The following NFIB variants were observed in gnomAD, a reference collection of about 807,000 sequenced individuals.
NFIB encodes the protein nuclear factor I B.
NFIB carries 11 observed loss-of-function variants against 61.5 expected under a neutral mutation model. The observed-to-expected ratio is 0.18, with a 90% CI of 0.11 to 0.30. The LOEUF is 0.30. NFIB is among the 10% of genes least tolerant of loss of function. NFIB has a pLI of 1.00. For missense variants in NFIB, 471 were observed against 608.9 expected (o/e 0.77, Z 2.38); for synonymous variants, 260 against 216.5 (o/e 1.20, Z -1.76).
the NFIB span, among the ~76,000 whole-genome samples, chr9:14,425,255 T>G: frequency 1.3e-5 from 2 of 152,124 alleles, no homozygotes; most frequent in African/African-American, 4.8e-5. Flanking sequence ...ATTCTTAGTG[T>G]CACACAGAAC....
rs968866161 is a variant in NFIB, at chr9:14,186,657, A to G, written c.563-6877T>C. On this transcript the variant is annotated intron_variant, in intron 2 of 10. Transcript: ENST00000380953. ...TTCTCTCTTCCCCTCTCTCTGCCCA[A>G]AGTTTTCTACCTCACTCTTTGCAGT... Among the ~76,000 whole-genome samples the G allele has an allele frequency of 5.3e-5, 8 of 151,978 alleles. No individual in the cohort carries two copies. The South Asian group carries it at 1.7e-3, about 32-fold the overall frequency.
chr9:14,318,239 A>G (rs543355987), upstream of NFIB, among the ~76,000 whole-genome samples: 1 of 152,340 alleles, frequency 6.6e-6, no homozygotes, highest in Middle Eastern at 3.4e-3. Context: ...CAGAAAGTTT[A>G]TTGATTTCTA....
the NFIB span, among the ~76,000 whole-genome samples, chr9:14,498,900 T>G: frequency 6.6e-6 from 1 of 151,932 alleles, no homozygotes; most frequent in Non-Finnish European, 1.5e-5. Context: ...TAAGGCTCTG[T>G]GCTGAGCACT....
At chr9:14,236,195 T>G (rs1404535812) in intron 2 of NFIB, among the ~76,000 whole-genome samples, 4 of 152,212 alleles carry the variant, frequency 2.6e-5, no homozygotes, top group Admixed American at 2.0e-4. Context: ...TAAATTGGCA[T>G]CTTTATGAAT....
chr9:14,398,327 C>T (rs951812465), intron 1 of NFIB, among the ~76,000 whole-genome samples: 11 of 152,266 alleles, frequency 7.2e-5, no homozygotes, highest in Admixed American at 5.9e-4. Flanking sequence ...ATTTCTGTTA[C>T]CATTTCCAAA....
chr9:14,237,815 TAAGCTCCTCACCCTGCTAG>T (rs1563932618), intron 2 of NFIB, among the ~76,000 whole-genome samples: 12 of 60,554 alleles, frequency 2.0e-4, no homozygotes, highest in African/African-American at 3.7e-4. Flanking sequence ...TGTGTGTGTG[TAAGCTCCTCACCCTGCTAG>T]GTATAACAGT....
intron 2 of NFIB, among the ~76,000 whole-genome samples, 192 bp from the exon 3 acceptor site, chr9:14,179,972 A>G (rs929463086): frequency 6.6e-6 from 1 of 152,220 alleles, no homozygotes; most frequent in Admixed American, 6.5e-5. Context: ...ACATATTTCT[A>G]TGTCAAAAGA....
chr9:14,466,138 C>T, the NFIB span, among the ~76,000 whole-genome samples: 4 of 152,094 alleles, frequency 2.6e-5, no homozygotes, highest in African/African-American at 7.2e-5. Flanking sequence ...GGAGAGAGCC[C>T]GCATCTCAGC....
chr9:14,216,532 CTCTCTCTCTCCCTCTGTGTGTGTGTGTG>C (rs1299004624), intron 2 of NFIB, among the ~76,000 whole-genome samples: 3,846 of 38,350 alleles, frequency 0.1, 104 homozygotes, highest in South Asian at 0.13. Flanking sequence ...CTCTCTCTCT[CTCTCTCTCTCCCTCTGTGTGTGTGTGTG>C]TGTGTGTGTG....
intron 1 of NFIB, among the ~76,000 whole-genome samples, chr9:14,378,417 C>T (rs1318853503): frequency 1.3e-5 from 2 of 152,074 alleles, no homozygotes; most frequent in African/African-American, 2.4e-5. Flanking sequence ...AGTGCAGTGG[C>T]GCAATTTTGG....
chr9:14,405,490 T>A, the NFIB span, among the ~76,000 whole-genome samples: 4 of 152,204 alleles, frequency 2.6e-5, no homozygotes, highest in African/African-American at 4.8e-5. Context: ...AGATCTATGT[T>A]ATGCGGTGGC....
At chr9:14,102,505 C>T (rs1413733107) in intron 10 of NFIB, 1 of 1,550,098 alleles carries the variant, frequency 6.5e-7, no homozygotes, top group African/African-American at 1.4e-5. Flanking sequence ...AGTCACAAAT[C>T]CTCAGCTGTC....
the NFIB span, among the ~76,000 whole-genome samples, chr9:14,418,663 C>T: frequency 1.3e-5 from 2 of 152,148 alleles, no homozygotes; most frequent in Admixed American, 1.3e-4. Context: ...GGAGAGCTCT[C>T]ATATGAAGTC....
the NFIB span, among the ~76,000 whole-genome samples, chr9:14,480,454 A>G: frequency 6.6e-6 from 1 of 152,142 alleles, no homozygotes; most frequent in African/African-American, 2.4e-5. Context: ...GCTAATCTCA[A>G]AAGTTAAGTG....
intron 2 of NFIB, among the ~76,000 whole-genome samples, chr9:14,230,839 G>C (rs1310750730): frequency 1.3e-5 from 2 of 152,024 alleles, no homozygotes; most frequent in African/African-American, 4.8e-5. Flanking sequence ...AATGTGCAAA[G>C]AATTGGAGAC....
At chr9:14,108,543 A>G (rs955769111) in intron 10 of NFIB, among the ~76,000 whole-genome samples, 1 of 152,130 alleles carries the variant, frequency 6.6e-6, no homozygotes, top group Non-Finnish European at 1.5e-5. Context: ...ATTTAAATAT[A>G]CACTAGACCA....
intron 6 of NFIB, among the ~76,000 whole-genome samples, chr9:14,126,552 C>T (rs1318098298): frequency 1.3e-5 from 2 of 152,136 alleles, no homozygotes; most frequent in African/African-American, 4.8e-5. Context: ...GGATGACATT[C>T]TCAGAGAGGA....
Position 14,353,433 on chromosome 9 carries a change from G to A in NFIB, c.108+45091C>T, listed in dbSNP as rs542834300. Among the ~76,000 whole-genome samples, 11 of 152,244 alleles carry A rather than the reference G, an allele frequency of 7.2e-5. No homozygotes were observed. In the East Asian group the frequency reaches 1.2e-3, roughly 16 times the overall value. On this transcript the variant is annotated intron_variant, in intron 1 of 8. Coordinates refer to the NFIB transcript ENST00000380934. ...ACTGCTAGGGTGTCCTTGGCAGAGCGGGGGAGCTCCTGGAGAGGGGTCTCT... is the reference window on the plus strand; with the variant it reads ...ACTGCTAGGGTGTCCTTGGCAGAGCAGGGGAGCTCCTGGAGAGGGGTCTCT...
intron 2 of NFIB, among the ~76,000 whole-genome samples, chr9:14,297,615 G>A (rs966534193): frequency 5.9e-5 from 9 of 152,186 alleles, no homozygotes; most frequent in African/African-American, 2.2e-4. Flanking sequence ...TTTTTTCCCA[G>A]GTTCTAGCGC....
Sources: gnomAD v4.1 joint callset for allele counts (sites outside exome capture counted in the v4.1 genomes callset) on GRCh38, gnomAD v4.1.1 for gene constraint, MANE v1.5 for transcripts, NCBI Gene and HGNC (gene_info 2026-07-23, HGNC 2026-07-21) for gene names.